LCOR: variants seen among roughly 807,000 people sequenced by gnomAD.
LCOR encodes ligand-dependent corepressor.
A neutral mutation model predicts 64.4 loss-of-function variants in LCOR; 14 were observed. The observed-to-expected ratio is 0.22, with a 90% confidence interval of 0.14 to 0.34. The LOEUF is 0.34. Ranked by LOEUF, LCOR falls within the 10% of genes least tolerant of loss-of-function variation. LCOR has a pLI of 1.00. For missense variants in LCOR, 1,686 were observed against 1,765.3 expected (o/e 0.96, Z 0.80); for synonymous variants, 643 against 642.5 (o/e 1.00, Z -0.01).
intron 2 of LCOR, among the ~76,000 whole-genome samples, chr10:96,862,550 A>C (rs917629793): frequency 6.6e-6 from 1 of 152,124 alleles, no homozygotes. Flanking sequence ...ACAGGCATGC[A>C]TCACCAAGTC....
At chr10:96,841,047 G>A (rs1845530852) in intron 2 of LCOR, among the ~76,000 whole-genome samples, 2 of 152,232 alleles carry the variant, frequency 1.3e-5, no homozygotes, top group Admixed American at 6.5e-5. Context: ...GGAAGGCTGA[G>A]GTGGGAGGAT....
intron 4 of LCOR, among the ~76,000 whole-genome samples, chr10:96,931,856 T>C (rs1048874117): frequency 6.6e-6 from 1 of 152,242 alleles, no homozygotes; most frequent in African/African-American, 2.4e-5. Context: ...GAATAAACTT[T>C]GAAATCCATT....
intron 7 of LCOR, among the ~76,000 whole-genome samples, chr10:96,954,119 T>C (rs970289614): frequency 6.6e-6 from 1 of 152,220 alleles, no homozygotes; most frequent in Admixed American, 6.5e-5. Flanking sequence ...AAAAATTGTT[T>C]ATATCCCTCT....
intron 2 of LCOR, among the ~76,000 whole-genome samples, chr10:96,894,568 C>A (rs933792504): frequency 6.6e-6 from 1 of 152,134 alleles, no homozygotes; most frequent in African/African-American, 2.4e-5. Context: ...ATCATTGAAC[C>A]TTTTTGAGCA....
At chr10:96,882,763 C>A (rs1846283589) in intron 2 of LCOR, among the ~76,000 whole-genome samples, 1 of 152,198 alleles carries the variant, frequency 6.6e-6, no homozygotes, top group Non-Finnish European at 1.5e-5. Flanking sequence ...CTGGCAACCA[C>A]TGGTCTTTCT....
At chr10:96,953,885 A>G (rs1286619134) in intron 7 of LCOR, among the ~76,000 whole-genome samples, 1 of 152,218 alleles carries the variant, frequency 6.6e-6, no homozygotes, top group Non-Finnish European at 1.5e-5. Flanking sequence ...GCAAAGCCCT[A>G]TTTTGTGCCT....
rs1371771053 is a variant in LCOR at position 96,989,695 on chromosome 10, A to ATATATATTTT, written c.*4562_*4563insATATATTTTT. The ATATATATTTT allele has an allele frequency of 7.0e-5, 6 of 86,160 alleles. No individual in the cohort carries two copies. The highest frequency in any genetic ancestry group is 9.9e-5 in the Non-Finnish European group (5 of 50,718). 5.3% of individuals were successfully genotyped at this position (86,160 alleles called of 1,614,324 possible). Reference sequence around the variant, plus strand: ...TAAGGATATATATATATATATATATATTTTTTTTTTTTTTTTTTTTTTTTA... The same window carrying ATATATATTTT: ...TAAGGATATATATATATATATATATATATATATTTTTTTTTTTTTTTTTTTTTTTTTTTTA... On this transcript the variant is annotated 3_prime_UTR_variant, in exon 8 of 8. Transcript: ENST00000421806.
rs757902954 is a variant in LCOR at position 96,982,355 on chromosome 10, G to A, written c.1895G>A (p.Gly632Asp). 1.9e-6 allele frequency: 3 copies of A among 1,614,216 alleles called. No homozygotes were observed. Among genetic ancestry groups the A allele is most frequent in the Non-Finnish European group, 1.7e-6 (2 of 1,180,042 alleles). ...AHLPEEDLPE[G>D]GSTVSAPTAS... ...CTTCCTGAAGAGGACCTGCCAGAAG[G>A]TGGCTCCACAGTCTCAGCTCCCACA... is the stretch of plus-strand genomic sequence containing the variant. Residue 632 changes from glycine (G) to aspartate (D), a missense_variant, in exon 8 of 8, where the codon GGT becomes GAT. Physicochemically the swap from Gly to Asp is moderately conservative, Grantham distance 94. Coordinates refer to ENST00000421806, the MANE Select transcript of LCOR (RefSeq NM_001346516.2).
In LCOR at chr10:96,959,486, A is replaced by G. The variant is rs551144994; in HGVS notation, c.332+7290A>G. On this transcript the variant is annotated intron_variant, in intron 7 of 7. Coordinates refer to ENST00000421806, the MANE Select transcript of LCOR (RefSeq NM_001346516.2). ...GGGTAGATAAGCTATGGCACTATAA[A>G]ATCAAAAACACTAATTCTGTGGAAG... The G allele has an allele frequency of 2.6e-5, 4 of 152,306 alleles. No homozygotes were observed. In the East Asian group the frequency reaches 7.7e-4, roughly 29 times the overall value. The allele number at this position is 152,306 out of a possible 1,614,324, so 9.4% of individuals were successfully genotyped here. A position where few individuals can be genotyped will look rare whatever the true frequency, so the allele number is the denominator to read the frequency against.
chr10:96,861,070 A>C (rs1845879753), intron 2 of LCOR, among the ~76,000 whole-genome samples: 1 of 152,040 alleles, frequency 6.6e-6, no homozygotes, highest in African/African-American at 2.4e-5. Flanking sequence ...GGTTGGCTGG[A>C]CTTTGAAAAA....
rs762639752 is a variant in LCOR, at chr10:96,845,449, CTTTTTTTTTTTTTTTTTT to C, written c.-330+11990_-330+12007del. On this transcript the variant is annotated intron_variant, in intron 2 of 7. Transcript: ENST00000421806. ...TTTGCCTCTTATAAATGGGCTTATC[CTTTTTTTTTTTTTTTTTT>C]TTTTTTTTTTTTTTTTTTTGAGACG... Among the ~76,000 whole-genome samples the C allele has an allele frequency of 1.4e-3, 70 of 48,684 alleles. 1 individual carries two copies. In the East Asian group the frequency reaches 0.016, roughly 11 times the overall value. 31.9% of individuals were successfully genotyped at this position (48,684 alleles called of 152,430 possible).
At chr10:96,864,563 T>G (rs1845939582) in intron 2 of LCOR, among the ~76,000 whole-genome samples, 1 of 152,214 alleles carries the variant, frequency 6.6e-6, no homozygotes, top group Admixed American at 6.5e-5. Context: ...GGGACATCAG[T>G]TACACAAGGA....
rs1364161809 is a variant in LCOR, at chr10:96,981,572, A to G, written c.1112A>G (p.Gln371Arg). The change falls in exon 8 of 8, where the codon CAG becomes CGG. Residue 371 changes from glutamine (Q) to arginine (R), a missense_variant. Transcript: ENST00000421806. Reference sequence around the variant, plus strand: ...ACTGCTGACAAAGAGAATACTTTACAGTGTCCAAAAACACCTTTGCGCCAG... The same window carrying G: ...ACTGCTGACAAAGAGAATACTTTACGGTGTCCAAAAACACCTTTGCGCCAG... ...SRTADKENTLQCPKTPLRQDL... is the reference protein window; with the variant it reads ...SRTADKENTLRCPKTPLRQDL... 1.9e-6 allele frequency: 3 copies of G among 1,614,252 alleles called. No homozygotes were observed. Among genetic ancestry groups the G allele is most frequent in the Non-Finnish European group, 2.5e-6 (3 of 1,180,042 alleles).
At position 96,832,451 on chromosome 10, in the gene LCOR, C is replaced by A; in HGVS notation, c.-404+52C>A. On this transcript the variant is annotated intron_variant, in intron 1 of 7. Coordinates refer to ENST00000421806, the MANE Select transcript of LCOR (RefSeq NM_001346516.2). ...CCCCTCCGGCCGCCCCGCCGCCGGT[C>A]GCCCCAGACCAGGGAGGAAGCTGGG... 4.1e-6 allele frequency: 3 copies of A among 732,920 alleles called. No homozygotes were observed. The South Asian group carries it at 1.8e-4, about 44-fold the overall frequency. The allele number at this position is 732,920 out of a possible 1,614,324, so 45.4% of individuals were successfully genotyped here. A position where few individuals can be genotyped will look rare whatever the true frequency, so the allele number is the denominator to read the frequency against.
At chr10:96,948,940 G>A in intron 5 of LCOR, 68 bp from the exon 6 acceptor site, 2 of 1,159,894 alleles carry the variant, frequency 1.7e-6, no homozygotes, top group East Asian at 2.4e-5. Flanking sequence ...GAAATTTTAT[G>A]TTTACTTGAA....
In LCOR at chr10:96,852,193, G is replaced by A. The variant is rs566893829; in HGVS notation, c.-330+18714G>A. 2.0e-5 allele frequency among the ~76,000 whole-genome samples: 3 copies of A among 152,306 alleles called. No individual in the cohort carries two copies. The East Asian group carries it at 5.8e-4, about 29-fold the overall frequency. ...GCACTTTGGGAGGCTCAGGTGGGAG[G>A]ATCGCTTGAGCCCAGGAATTTGAGA... On this transcript the variant is annotated intron_variant, in intron 2 of 7. Transcript: ENST00000421806.
At position 96,850,331 on chromosome 10, in the gene LCOR, T is replaced by C. The variant is rs143581282; in HGVS notation, c.-330+16852T>C. 9.3e-4 allele frequency among the ~76,000 whole-genome samples: 141 copies of C among 152,124 alleles called. 1 individual carries two copies. The highest frequency in any genetic ancestry group is 1.8e-3 in the Non-Finnish European group (119 of 67,976). On this transcript the variant is annotated intron_variant, in intron 2 of 7. Coordinates refer to ENST00000421806, the MANE Select transcript of LCOR (RefSeq NM_001346516.2). ...TTGGGAGGCTGAGGTGGGAGGATCA[T>C]GTGAGCCCAAGAGTTCAGTACTGGT...
intron 2 of LCOR, among the ~76,000 whole-genome samples, chr10:96,903,146 C>T (rs770797597): frequency 9.9e-5 from 15 of 152,042 alleles, no homozygotes; most frequent in Non-Finnish European, 2.1e-4. Context: ...ATGGAGAGTG[C>T]AGGACTGGAA....
chr10:96,943,592 CAG>C (rs1847535787), intron 4 of LCOR, among the ~76,000 whole-genome samples: 1 of 152,124 alleles, frequency 6.6e-6, no homozygotes, highest in Non-Finnish European at 1.5e-5. Flanking sequence ...AATCTAGAGA[CAG>C]AATTGTGAAT....
Sources: gnomAD v4.1 joint callset for allele counts (sites outside exome capture counted in the v4.1 genomes callset) on GRCh38, gnomAD v4.1.1 for gene constraint, MANE v1.5 for transcripts, NCBI Gene and HGNC (gene_info 2026-07-23, HGNC 2026-07-21) for gene names.